The following ARRB1 variants were observed in gnomAD, a reference collection of about 807,000 sequenced individuals.
ARRB1 encodes beta-arrestin-1.
A neutral mutation model predicts 56.8 loss-of-function variants in ARRB1; 21 were observed. The observed-to-expected ratio is 0.37, with a 90% CI of 0.26 to 0.53. The LOEUF (loss-of-function observed/expected upper bound fraction) is 0.53. Among genes scored for constraint, ARRB1 ranks in the 20% least tolerant of loss-of-function variants. The pLI is 0.88. For synonymous variants in ARRB1, 210 were observed against 218.6 expected (o/e 0.96, Z 0.35); for missense variants, 424 against 553.7 (o/e 0.77, Z 2.35).
chr11:75,347,742 G>T (rs1402441221), intron 1 of ARRB1, among the ~76,000 whole-genome samples: 1 of 152,088 alleles, frequency 6.6e-6, no homozygotes, highest in Non-Finnish European at 1.5e-5. Context: ...GCAAAATGGG[G>T]ACAACAATGA....
chr11:75,332,315 T>C (rs1947534640), intron 1 of ARRB1, among the ~76,000 whole-genome samples: 3 of 152,194 alleles, frequency 2.0e-5, no homozygotes, highest in Non-Finnish European at 2.9e-5. Context: ...TATCTTGAAA[T>C]GGCCCTGCAA....
At position 75,283,299 on chromosome 11, in the gene ARRB1, A is replaced by T. The variant is rs1946390665; in HGVS notation, c.342T>A (p.Pro114=). 1.2e-6 allele frequency: 2 copies of T among 1,604,884 alleles called. No individual in the cohort carries two copies. Among genetic ancestry groups the T allele is most frequent in the Non-Finnish European group, 1.7e-6 (2 of 1,174,714 alleles). The change falls in exon 5 of 16, where the codon CCT becomes CCA. Residue 114 remains proline (P), a synonymous_variant. Coordinates refer to ENST00000420843, the MANE Select transcript of ARRB1 (RefSeq NM_004041.5). ...GGCAGTTCCTGACCTCAAAGGTGAA[A>T]GGGTAAGCGTGCTCGCCCAGCTTCT... The part of the protein sequence containing the change: ...LIKKLGEHAY[P]FTFEIPPNLP...
chr11:75,344,394 C>G (rs551523752), intron 1 of ARRB1, among the ~76,000 whole-genome samples: 21 of 152,168 alleles, frequency 1.4e-4, no homozygotes, highest in Non-Finnish European at 2.6e-4. Context: ...AACTAGGACC[C>G]AGAGAGGGTG....
At chr11:75,347,095 G>T (rs998820561) in intron 1 of ARRB1, among the ~76,000 whole-genome samples, 4 of 152,260 alleles carry the variant, frequency 2.6e-5, no homozygotes, top group Non-Finnish European at 5.9e-5. Flanking sequence ...CCTGGAAGTG[G>T]CAAGCCCACA....
intron 13 of ARRB1, 152 bp from the exon 14 acceptor site, chr11:75,269,111 C>A: frequency 1.2e-6 from 1 of 807,106 alleles, no homozygotes; most frequent in Non-Finnish European, 2.1e-6. Context: ...TTCTGCCACT[C>A]GGAGCCTCGG....
At chr11:75,286,255 CTTTTTTTT>C (rs60988072) in intron 3 of ARRB1, among the ~76,000 whole-genome samples, 17 of 38,728 alleles carry the variant, frequency 4.4e-4, no homozygotes, top group African/African-American at 1.8e-3. Context: ...ATTTGCTCAT[CTTTTTTTT>C]TTTTTTTTTT....
At chr11:75,318,228 A>G (rs542690503) in intron 1 of ARRB1, among the ~76,000 whole-genome samples, 1 of 146,802 alleles carries the variant, frequency 6.8e-6, no homozygotes, top group East Asian at 2.0e-4. Context: ...GTACAGCACA[A>G]TCATAGCTCA....
chr11:75,325,060 C>CGTA lies in ARRB1; in HGVS notation c.20+26525_20+26527dup, dbSNP rs567859769. On this transcript the variant is annotated intron_variant, in intron 1 of 15. Transcript: ENST00000420843. ...CCCTGTGGAAGGAAATGGCAGAGAA[C>CGTA]GTATGCTGGTTGTCAGGGTTGGAGA... Among the ~76,000 whole-genome samples the CGTA allele has an allele frequency of 1.2e-3, 182 of 152,228 alleles. No individual in the cohort carries two copies. The Middle Eastern group carries it at 0.021, about 17-fold the overall frequency.
rs117788237 is a variant in ARRB1 at position 75,263,030 on chromosome 11, C to T, written c.*3133G>A. Among the ~76,000 whole-genome samples, 1,080 of 152,288 alleles carry T rather than the reference C, an allele frequency of 7.1e-3. 28 individuals carry two copies. The highest frequency in any genetic ancestry group is 0.058 in the Admixed American group (893 of 15,290). On this transcript the variant is annotated 3_prime_UTR_variant, in exon 16 of 16. Transcript: ENST00000420843. ...CCGGGGCATGCTTTTCCTTCCTGCC[C>T]GGACCGGTGTCCACACGCCACCCAC... is the stretch of plus-strand genomic sequence containing the variant.
In ARRB1 at chr11:75,268,312, C is replaced by T. The variant is rs555004647; in HGVS notation, c.1093+577G>A. ...CTGAGGTCAGGAGTTTGAGACCAGC[C>T]TGGCCAACATGGTGAAACCCCGTCT... On this transcript the variant is annotated intron_variant, in intron 14 of 15. Coordinates refer to ENST00000420843, the MANE Select transcript of ARRB1 (RefSeq NM_004041.5). 2.0e-5 allele frequency among the ~76,000 whole-genome samples: 3 copies of T among 152,076 alleles called. No homozygotes were observed. The East Asian group carries it at 5.8e-4, about 29-fold the overall frequency.
At chr11:75,296,570 T>C (rs993772006) in intron 1 of ARRB1, among the ~76,000 whole-genome samples, 2 of 152,202 alleles carry the variant, frequency 1.3e-5, no homozygotes, top group African/African-American at 4.8e-5. Context: ...CCTTTGTGCC[T>C]GTCAGGGAGA....
rs1273683001 is a variant in ARRB1, at chr11:75,268,874, A to G, written c.1093+15T>C. ...TAGAGAACCCCTACCCCAGAGACCT[A>G]CAGATTCTGCTCACCTTCCCGATGC... On this transcript the variant is annotated intron_variant, in intron 14 of 15. Coordinates refer to ENST00000420843, the MANE Select transcript of ARRB1 (RefSeq NM_004041.5). 1 of 1,608,336 alleles carries G rather than the reference A, an allele frequency of 6.2e-7. No individual in the cohort carries two copies. Among genetic ancestry groups the G allele is most frequent in the Non-Finnish European group, 8.5e-7 (1 of 1,178,534 alleles).
chr11:75,322,266 G>A (rs1565139083), intron 1 of ARRB1, among the ~76,000 whole-genome samples: 1 of 152,232 alleles, frequency 6.6e-6, no homozygotes, highest in African/African-American at 2.4e-5. Flanking sequence ...AGCACTTTGG[G>A]AGGTTGAGGC....
chr11:75,298,922 CATA>C (rs111987506), intron 1 of ARRB1, among the ~76,000 whole-genome samples: 10,001 of 151,466 alleles, frequency 0.066, 1,086 homozygotes, highest in African/African-American at 0.23. Context: ...AGTAAATTAA[CATA>C]ATGTTAATTA....
intron 11 of ARRB1, among the ~76,000 whole-genome samples, chr11:75,273,490 G>T (rs1047093892): frequency 1.3e-5 from 2 of 152,186 alleles, no homozygotes; most frequent in Non-Finnish European, 2.9e-5. Context: ...GCTGTGCAGG[G>T]GCTGCTGAAG....
intron 13 of ARRB1, chr11:75,271,389 T>G (rs1946071353): frequency 1.1e-5 from 3 of 276,288 alleles, no homozygotes; most frequent in Admixed American, 5.3e-5. Flanking sequence ...AGCCATGAAG[T>G]CTGCATTTCT....
At chr11:75,320,108 C>A (rs892390837) in intron 1 of ARRB1, among the ~76,000 whole-genome samples, 8 of 152,118 alleles carry the variant, frequency 5.3e-5, no homozygotes, top group African/African-American at 1.9e-4. Flanking sequence ...GAGATTTGGG[C>A]TTCAACAGAG....
intron 1 of ARRB1, among the ~76,000 whole-genome samples, chr11:75,294,965 T>C (rs1324306563): frequency 1.3e-5 from 2 of 152,162 alleles, no homozygotes; most frequent in Non-Finnish European, 2.9e-5. Flanking sequence ...GGCTCATGCC[T>C]GTAATCCCAG....
intron 1 of ARRB1, among the ~76,000 whole-genome samples, chr11:75,291,263 G>A (rs1946606664): frequency 1.3e-5 from 2 of 152,232 alleles, no homozygotes; most frequent in African/African-American, 2.4e-5. Flanking sequence ...GAACCCAGAA[G>A]ACGGAGCTTG....
Sources: gnomAD v4.1 joint callset for allele counts (sites outside exome capture counted in the v4.1 genomes callset) on GRCh38, gnomAD v4.1.1 for gene constraint, MANE v1.5 for transcripts, NCBI Gene and HGNC (gene_info 2026-07-23, HGNC 2026-07-21) for gene names.